The following CDH12 variants were observed in gnomAD, a reference collection of about 807,000 sequenced individuals.
CDH12 encodes the protein cadherin 12.
A neutral mutation model predicts 74.1 loss-of-function variants in CDH12; 41 were observed. That is an observed-to-expected ratio of 0.55 (90% CI 0.43 to 0.72). The LOEUF is 0.72. CDH12 is among the 30% of genes least tolerant of loss of function. The pLI, the probability that CDH12 is intolerant of heterozygous loss-of-function variation, is 0.00. For synonymous variants in CDH12, 399 were observed against 355.0 expected, an observed-to-expected ratio of 1.12 and a Z score of -1.39; for missense variants, 945 against 977.2, an observed-to-expected ratio of 0.97 and a Z score of 0.44.
At chr5:22,310,631 T>C (rs1459185643) in intron 3 of CDH12, among the ~76,000 whole-genome samples, 1 of 152,200 alleles carries the variant, frequency 6.6e-6, no homozygotes, top group African/African-American at 2.4e-5. Flanking sequence ...CAATAGCATC[T>C]ACCCAAAAGA....
At chr5:21,915,822 C>CTGTGTA (rs1554043854) in intron 6 of CDH12, among the ~76,000 whole-genome samples, 11 of 140,044 alleles carry the variant, frequency 7.9e-5, no homozygotes, top group African/African-American at 2.7e-4. Context: ...ATCATTTGTG[C>CTGTGTA]TGTGTGTGTG....
At chr5:22,698,386 G>A (rs961015243) in intron 1 of CDH12, among the ~76,000 whole-genome samples, 1 of 151,408 alleles carries the variant, frequency 6.6e-6, no homozygotes. Context: ...CTCCCAAAAT[G>A]CTGGGATTAC....
chr5:22,521,201 T>C (rs1031906169), intron 1 of CDH12, among the ~76,000 whole-genome samples: 13 of 151,940 alleles, frequency 8.6e-5, no homozygotes, highest in African/African-American at 2.7e-4. Flanking sequence ...TAATGGGCAA[T>C]TGGATGGGGT....
intron 1 of CDH12, among the ~76,000 whole-genome samples, chr5:22,841,643 C>T (rs1029266616): frequency 7.2e-5 from 11 of 151,908 alleles, no homozygotes; most frequent in Non-Finnish European, 1.5e-4. Context: ...GAGGGGAGAA[C>T]AGAAGAAACT....
chr5:21,924,045 G>A (rs1754476901), intron 6 of CDH12, among the ~76,000 whole-genome samples: 1 of 152,152 alleles, frequency 6.6e-6, no homozygotes, highest in Admixed American at 6.5e-5. Context: ...TACTAATTTA[G>A]TTTTTCCACT....
intron 1 of CDH12, among the ~76,000 whole-genome samples, chr5:22,815,691 A>T (rs1424417314): frequency 6.7e-6 from 1 of 149,388 alleles, no homozygotes; most frequent in Non-Finnish European, 1.5e-5. Context: ...AATCGCTTGA[A>T]CCTGGGAGAT....
chr5:22,852,857 G>T (rs1385840196), intron 1 of CDH12, among the ~76,000 whole-genome samples: 8 of 152,164 alleles, frequency 5.3e-5, no homozygotes, highest in Non-Finnish European at 1.0e-4. Context: ...GAGGACCAGA[G>T]ACTTGTTTAG....
At chr5:22,188,110 G>T (rs1750069753) in intron 4 of CDH12, among the ~76,000 whole-genome samples, 1 of 150,828 alleles carries the variant, frequency 6.6e-6, no homozygotes, top group South Asian at 2.1e-4. Context: ...GGGAGGTGGG[G>T]TCTAGTTGGG....
intron 3 of CDH12, among the ~76,000 whole-genome samples, chr5:22,253,441 T>C (rs1753201988): frequency 6.6e-6 from 1 of 151,942 alleles, no homozygotes. Flanking sequence ...TTAACAGATG[T>C]AGCTTATTGA....
At chr5:21,810,268 G>T (rs756879971) in intron 9 of CDH12, among the ~76,000 whole-genome samples, 1 of 152,058 alleles carries the variant, frequency 6.6e-6, no homozygotes, top group South Asian at 2.1e-4. Context: ...TGAATAAAAA[G>T]ATTAGTTGGA....
intron 5 of CDH12, among the ~76,000 whole-genome samples, chr5:22,078,163 C>A (rs1318802395): frequency 6.6e-6 from 1 of 152,094 alleles, no homozygotes; most frequent in Non-Finnish European, 1.5e-5. Context: ...ATAACATTTT[C>A]ATACTTTAAC....
In CDH12 at chr5:22,241,597, A is replaced by G. The variant is rs181846760; in HGVS notation, c.-332-28954T>C. Among the ~76,000 whole-genome samples, 36 of 152,126 alleles carry G rather than the reference A, an allele frequency of 2.4e-4. No individual in the cohort carries two copies. The East Asian group carries it at 3.3e-3, about 14-fold the overall frequency. ...ATTCTTATATTTTCTGTACTATTTC[A>G]TACAGTTTGTTAAGCTAAAACTAAA... On this transcript the variant is annotated intron_variant, in intron 3 of 14. Transcript: ENST00000382254.
intron 5 of CDH12, among the ~76,000 whole-genome samples, chr5:22,005,348 A>G (rs1561012703): frequency 6.6e-6 from 1 of 152,096 alleles, no homozygotes; most frequent in Non-Finnish European, 1.5e-5. Context: ...CGGCCCTAGT[A>G]TGTACCGTAT....
At chr5:22,825,247 T>C (rs1256787475) in intron 1 of CDH12, among the ~76,000 whole-genome samples, 1 of 152,098 alleles carries the variant, frequency 6.6e-6, no homozygotes, top group Non-Finnish European at 1.5e-5. Flanking sequence ...TGTACATTTG[T>C]ACAAATGTAC....
chr5:22,769,597 T>C (rs1746701338), intron 1 of CDH12, among the ~76,000 whole-genome samples: 1 of 152,050 alleles, frequency 6.6e-6, no homozygotes, highest in Non-Finnish European at 1.5e-5. Context: ...TTCTCCTTAA[T>C]AAACTCCCCT....
chr5:22,541,044 A>G (rs913411447), intron 1 of CDH12, among the ~76,000 whole-genome samples: 9 of 152,312 alleles, frequency 5.9e-5, no homozygotes, highest in South Asian at 2.1e-4. Flanking sequence ...TTGGTCTCCA[A>G]CAGAAGTCAT....
chr5:21,957,764 T>C (rs1367958653), intron 6 of CDH12, among the ~76,000 whole-genome samples: 3 of 152,200 alleles, frequency 2.0e-5, no homozygotes, highest in African/African-American at 7.2e-5. Context: ...TTTAATGGGG[T>C]TGTTTTTCTC....
chr5:22,594,047 T>C (rs1054119248), intron 1 of CDH12, among the ~76,000 whole-genome samples: 6 of 152,104 alleles, frequency 3.9e-5, no homozygotes, highest in Admixed American at 2.6e-4. Context: ...ATGAGAAGGG[T>C]GTTCAAACCC....
chr5:22,348,667 G>A (rs1322856528), intron 3 of CDH12, among the ~76,000 whole-genome samples: 2 of 152,120 alleles, frequency 1.3e-5, no homozygotes, highest in East Asian at 3.9e-4. Context: ...ATCTTGAGTG[G>A]TCAGCTTCAG....
Sources: allele counts gnomAD v4.1 joint callset (sites outside exome capture counted in the v4.1 genomes callset), GRCh38; gene constraint gnomAD v4.1.1; transcripts MANE v1.5; gene names NCBI Gene and HGNC (gene_info 2026-07-23, HGNC 2026-07-21).